Variants in ORC6 observed in about 807,000 individuals in gnomAD.
ORC6 encodes origin recognition complex subunit 6.
A neutral mutation model predicts 30.0 loss-of-function variants in ORC6; 31 were observed. The observed-to-expected ratio is 1.03, with a 90% CI of 0.78 to 1.40. The LOEUF (loss-of-function observed/expected upper bound fraction) is 1.40. Among genes scored for constraint, ORC6 ranks in the 40% most tolerant of loss-of-function variants. The pLI is 0.00. For synonymous variants in ORC6, 136 were observed against 111.2 expected, an observed-to-expected ratio of 1.22 and a Z score of -1.40; for missense variants, 340 against 304.3, an observed-to-expected ratio of 1.12 and a Z score of -0.87.
At chr16:46,690,907 C>A in intron 1 of ORC6, 84 bp from the exon 2 acceptor site, 1 of 1,443,766 alleles carries the variant, frequency 6.9e-7, no homozygotes, top group Non-Finnish European at 9.7e-7. Flanking sequence ...TAGTGTGAAG[C>A]TAACCAGGCT....
At chr16:46,692,353 G>GATTTGTGTATGTGTTT in intron 2 of ORC6, 29 bp from the exon 3 acceptor site, 1 of 1,589,570 alleles carries the variant, frequency 6.3e-7, no homozygotes, top group Middle Eastern at 1.7e-4. Context: ...AGGTTTTTAT[G>GATTTGTGTATGTGTTT]ATTTGTGTAT....
intron 2 of ORC6, among the ~76,000 whole-genome samples, chr16:46,691,983 C>CTCTCTCTCTCTCTCTCTCTCT (rs1357880671): frequency 9.4e-5 from 14 of 148,652 alleles, no homozygotes; most frequent in African/African-American, 2.0e-4. Context: ...CTCTCTCTCA[C>CTCTCTCTCTCTCTCTCTCTCT]CACCCCGCCC....
chr16:46,689,837 C>T, intron 1 of ORC6, 67 bp downstream of exon 1: 1 of 1,489,458 alleles, frequency 6.7e-7, no homozygotes, highest in Non-Finnish European at 8.9e-7. Context: ...CAGGTGAGGC[C>T]CGCGCCCTTC....
At chr16:46,695,450 A>G (rs1012145881) in intron 4 of ORC6, 112 bp from the exon 5 acceptor site, 2 of 713,686 alleles carry the variant, frequency 2.8e-6, no homozygotes. Context: ...GAAAAAAACT[A>G]GACAGAGGCT....
chr16:46,696,331 G>C (rs924485028), intron 6 of ORC6: 1 of 531,618 alleles, frequency 1.9e-6, no homozygotes, highest in Admixed American at 3.0e-5. Context: ...TGAGGCGGGA[G>C]GATTGCTTGA....
In ORC6 at chr16:46,694,680, C is replaced by A. The variant is rs1223350380; in HGVS notation, c.450-882C>A. On this transcript the variant is annotated intron_variant, in intron 4 of 6. Transcript: ENST00000219097. ...ACTGTCTCTTAAAAAAAAAACAAAA[C>A]ACTGGCTACAACTGTTCTTCAAGGA... Among the ~76,000 whole-genome samples the A allele has an allele frequency of 1.9e-4, 27 of 140,260 alleles. 1 individual carries two copies. Among genetic ancestry groups the A allele is most frequent in the Non-Finnish European group, 2.3e-4 (15 of 63,842 alleles). 92.0% of individuals were successfully genotyped at this position (140,260 alleles called of 152,430 possible).
chr16:46,695,364 C>T (rs1177535604), intron 4 of ORC6, 198 bp from the exon 5 acceptor site: 3 of 582,054 alleles, frequency 5.2e-6, no homozygotes, highest in Non-Finnish European at 6.1e-6. Flanking sequence ...TAAAATAGAT[C>T]CCATGTGCAT....
intron 4 of ORC6, chr16:46,693,536 T>TC (rs1338696107): frequency 3.0e-6 from 1 of 328,252 alleles, no homozygotes; most frequent in African/African-American, 2.1e-5. Context: ...GCGTGGTGGC[T>TC]CCCGCCTGTA....
chr16:46,692,451 T>G lies in ORC6; in HGVS notation c.265T>G (p.Leu89Val), dbSNP rs762477641. ...GAGCTGTCTTAAATCTTTTGAGTGT[T>G]TACTGGGCCTGAATTCAAATATTGG... The part of the protein sequence containing the change: ...YQSCLKSFEC[L>V]LGLNSNIGIR... The change falls in exon 3 of 7, where the codon TTA (leucine) becomes GTA (valine). Residue 89 changes from leucine to valine, a missense_variant. By Grantham distance (32) the Leu-to-Val change is conservative. Coordinates refer to ENST00000219097, the MANE Select transcript of ORC6 (RefSeq NM_014321.4). 2.5e-5 allele frequency: 40 copies of G among 1,613,564 alleles called. No homozygotes were observed. Among genetic ancestry groups the G allele is most frequent in the Non-Finnish European group, 3.4e-5 (40 of 1,179,564 alleles).
Position 46,697,864 on chromosome 16 carries a change from C to G in ORC6, c.*279C>G. On this transcript the variant is annotated 3_prime_UTR_variant, in exon 7 of 7. Coordinates refer to ENST00000219097, the MANE Select transcript of ORC6 (RefSeq NM_014321.4). ...GCGCAGTGGCTCACGCCTGTAATCCCAGCACTTTGGGAGGCCAAGGTGGGT... is the reference window on the plus strand; with the variant it reads ...GCGCAGTGGCTCACGCCTGTAATCCGAGCACTTTGGGAGGCCAAGGTGGGT... 1 of 493,648 alleles carries G rather than the reference C, an allele frequency of 2.0e-6. No homozygotes were observed. 30.6% of individuals were successfully genotyped at this position (493,648 alleles called of 1,614,324 possible).
At chr16:46,692,355 T>C in intron 2 of ORC6, 27 bp from the exon 3 acceptor site, 1 of 1,590,588 alleles carries the variant, frequency 6.3e-7, no homozygotes, top group South Asian at 1.1e-5. Context: ...GTTTTTATGA[T>C]TTGTGTATGT....
chr16:46,693,957 T>C (rs1966485519), intron 4 of ORC6: 1 of 91,534 alleles, frequency 1.1e-5, no homozygotes, highest in Non-Finnish European at 2.2e-5. Flanking sequence ...GGTCAGCAGA[T>C]AAACAAGTGA....
chr16:46,690,824 TTC>T (rs1567273034), intron 1 of ORC6, 165 bp from the exon 2 acceptor site: 1 of 716,734 alleles, frequency 1.4e-6, no homozygotes, highest in African/African-American at 1.7e-5. Context: ...TCAGTGCTGG[TTC>T]TGTCTTCCTC....
Position 46,692,493 on chromosome 16 carries a change from G to A in ORC6, c.307G>A (p.Val103Ile). 6.2e-7 allele frequency: 1 copy of A among 1,613,444 alleles called. No individual in the cohort carries two copies. The highest frequency in any genetic ancestry group is 1.7e-5 in the Admixed American group (1 of 60,018). Residue 103 changes from valine (V) to isoleucine (I), a missense_variant, in exon 3 of 7, where the codon GTA becomes ATA. Coordinates refer to ENST00000219097, the MANE Select transcript of ORC6 (RefSeq NM_014321.4). The part of the protein sequence containing the change: ...NSNIGIRDLA[V>I]QFSCIEAVNM... ...AAATATTGGAATAAGAGACCTAGCT[G>A]TACAGTTTAGCTGTATAGAAGCAGT...
Position 46,691,098 on chromosome 16 carries a change from G to A in ORC6, c.173G>A (p.Trp58Ter). Residue 58 changes from tryptophan to a stop codon, truncating the protein, a stop_gained, in exon 2 of 7, where the codon TGG (tryptophan) becomes TAG (stop). Transcript: ENST00000219097. LOFTEE classifies it high-confidence loss of function. ...ATGTGCCTGGACCTTGCAGCTTCCT[G>A]GATGAAGTGCCCCTTGGACAGGGTA... is the stretch of plus-strand genomic sequence containing the variant. ...AVMCLDLAAS[W>*]MKCPLDRAYL... 2.5e-6 allele frequency: 4 copies of A among 1,614,174 alleles called. No homozygotes were observed. The highest frequency in any genetic ancestry group is 2.5e-6 in the Non-Finnish European group (3 of 1,180,018).
chr16:46,690,067 A>G (rs1415801483), intron 1 of ORC6, among the ~76,000 whole-genome samples: 1 of 152,264 alleles, frequency 6.6e-6, no homozygotes, highest in Non-Finnish European at 1.5e-5. Context: ...CGCCTACTGC[A>G]GTCGGGTTTA....
At chr16:46,693,398 C>T (rs1483788522) in intron 4 of ORC6, 1 of 596,026 alleles carries the variant, frequency 1.7e-6, no homozygotes, top group Non-Finnish European at 3.0e-6. Context: ...TAGCAAATAG[C>T]AGCTGTATAT....
chr16:46,691,954 A>ACTCTCTCTCT (rs1464451439), intron 2 of ORC6, among the ~76,000 whole-genome samples: 1 of 6,108 alleles, frequency 1.6e-4, no homozygotes, highest in Admixed American at 2.5e-3. Flanking sequence ...ACACACACAC[A>ACTCTCTCTCT]CACACTCTCT....
intron 2 of ORC6, among the ~76,000 whole-genome samples, chr16:46,691,958 A>ACACACACACACACACTCTCTCTCTCT: frequency 1.6e-4 from 6 of 36,660 alleles, no homozygotes; most frequent in Admixed American, 1.2e-3. Flanking sequence ...ACACACACAC[A>ACACACACACACACACTCTCTCTCTCT]CTCTCTCTCT....
Sources: gnomAD v4.1 joint callset for allele counts (sites outside exome capture counted in the v4.1 genomes callset) on GRCh38, gnomAD v4.1.1 for gene constraint, MANE v1.5 for transcripts, NCBI Gene and HGNC (gene_info 2026-07-23, HGNC 2026-07-21) for gene names.